Variants in CLVS1 observed in about 807,000 individuals in gnomAD.
The protein encoded by CLVS1 is clavesin 1.
A neutral mutation model predicts 33.1 loss-of-function variants in CLVS1; 10 were observed. The observed-to-expected ratio is 0.30, with a 90% CI of 0.19 to 0.51. The LOEUF (loss-of-function observed/expected upper bound fraction) is 0.51. Among genes scored for constraint, CLVS1 ranks in the 20% least tolerant of loss-of-function variants. CLVS1 has a pLI of 0.97. For synonymous variants in CLVS1, 163 were observed against 166.1 expected (o/e 0.98, Z 0.14); for missense variants, 343 against 433.4 (o/e 0.79, Z 1.85).
chr8:61,050,325 G>C, the CLVS1 span, among the ~76,000 whole-genome samples: 1 of 152,218 alleles, frequency 6.6e-6, no homozygotes, highest in Non-Finnish European at 1.5e-5. Context: ...GTCTGGGGGA[G>C]ATGCACCCTT....
intron 2 of CLVS1, among the ~76,000 whole-genome samples, chr8:61,151,387 G>A (rs1020531532): frequency 6.6e-6 from 1 of 152,192 alleles, no homozygotes; most frequent in African/African-American, 2.4e-5. Flanking sequence ...ACCCTATGAA[G>A]TATATATTCT....
chr8:61,272,729 T>C (rs1809472799), intron 2 of CLVS1, among the ~76,000 whole-genome samples: 1 of 152,202 alleles, frequency 6.6e-6, no homozygotes, highest in Non-Finnish European at 1.5e-5. Flanking sequence ...CCCTTCTCAC[T>C]TCATTTCATT....
chr8:61,263,100 T>C (rs1290468748), intron 2 of CLVS1, among the ~76,000 whole-genome samples: 2 of 152,152 alleles, frequency 1.3e-5, no homozygotes, highest in African/African-American at 4.8e-5. Flanking sequence ...ACTTGATAGA[T>C]GAAAAATGAC....
intron 2 of CLVS1, among the ~76,000 whole-genome samples, chr8:61,277,101 G>A (rs1346543251): frequency 2.0e-5 from 3 of 152,166 alleles, no homozygotes; most frequent in Non-Finnish European, 4.4e-5. Flanking sequence ...TGACTCCAGA[G>A]CCACATTCTC....
chr8:61,374,950 C>CTTTAT (rs1036652118), intron 2 of CLVS1, among the ~76,000 whole-genome samples: 1 of 152,078 alleles, frequency 6.6e-6, no homozygotes, highest in African/African-American at 2.4e-5. Context: ...GGGCTAATAT[C>CTTTAT]TTTATTTTTT....
At chr8:61,296,484 C>G (rs61592776) in intron 1 of CLVS1, among the ~76,000 whole-genome samples, 36,123 of 152,088 alleles carry the variant, frequency 0.24, 7,014 homozygotes, top group East Asian at 0.84. Context: ...ATAAGTCATG[C>G]CTGTGCCTTG....
At chr8:61,308,413 C>A (rs1810708253) in intron 2 of CLVS1, among the ~76,000 whole-genome samples, 2 of 152,176 alleles carry the variant, frequency 1.3e-5, no homozygotes, top group South Asian at 4.2e-4. Context: ...CATGGAGCTT[C>A]TGAAAGACTG....
chr8:61,002,020 C>A, the CLVS1 span, among the ~76,000 whole-genome samples: 1 of 152,208 alleles, frequency 6.6e-6, no homozygotes, highest in South Asian at 2.1e-4. Flanking sequence ...GCTCTGTTGC[C>A]CAGGCTGGAG....
At chr8:61,031,258 C>T in the CLVS1 span, among the ~76,000 whole-genome samples, 1 of 152,210 alleles carries the variant, frequency 6.6e-6, no homozygotes, top group Non-Finnish European at 1.5e-5. Flanking sequence ...AGAGGACACA[C>T]ACCTGCTCTG....
intron 2 of CLVS1, among the ~76,000 whole-genome samples, chr8:61,256,048 C>T (rs182768750): frequency 6.6e-6 from 1 of 152,256 alleles, no homozygotes; most frequent in African/African-American, 2.4e-5. Flanking sequence ...ACAATCATCA[C>T]TACCATCTGT....
chr8:61,410,225 T>C (rs13274169), intron 3 of CLVS1, among the ~76,000 whole-genome samples: 1 of 152,286 alleles, frequency 6.6e-6, no homozygotes, highest in South Asian at 2.1e-4. Flanking sequence ...TACTGTACAG[T>C]GTGAGATGTT....
At chr8:61,142,995 C>T (rs1186582659) in intron 2 of CLVS1, among the ~76,000 whole-genome samples, 1 of 152,152 alleles carries the variant, frequency 6.6e-6, no homozygotes, top group Non-Finnish European at 1.5e-5. Context: ...GTTTGAATTA[C>T]CTGAACTAGA....
At chr8:61,217,169 A>G (rs570978876) in intron 2 of CLVS1, among the ~76,000 whole-genome samples, 1 of 152,272 alleles carries the variant, frequency 6.6e-6, no homozygotes, top group Non-Finnish European at 1.5e-5. Context: ...AGCATCTCAT[A>G]ACTATAGGTG....
At chr8:61,399,849 G>A (rs1326079609) in intron 3 of CLVS1, among the ~76,000 whole-genome samples, 1 of 152,108 alleles carries the variant, frequency 6.6e-6, no homozygotes, top group Admixed American at 6.5e-5. Flanking sequence ...GGTTGTAGGT[G>A]TGCAGTCATA....
At chr8:61,386,982 T>C (rs76835386) in intron 3 of CLVS1, among the ~76,000 whole-genome samples, 2,107 of 152,306 alleles carry the variant, frequency 0.014, 97 homozygotes, top group East Asian at 0.1. Flanking sequence ...TGAGGCCAAC[T>C]AAAGACCTTG....
chr8:61,192,710 G>A (rs1807518211), intron 2 of CLVS1, among the ~76,000 whole-genome samples: 1 of 152,014 alleles, frequency 6.6e-6, no homozygotes, highest in Admixed American at 6.6e-5. Context: ...GTGGGCAAAG[G>A]ATATGAACAG....
chr8:61,407,775 A>T (rs989198418), intron 3 of CLVS1, among the ~76,000 whole-genome samples: 6 of 152,220 alleles, frequency 3.9e-5, no homozygotes, highest in African/African-American at 1.4e-4. Flanking sequence ...TCTGAATTTC[A>T]GGGATCTCAA....
At chr8:61,285,751 G>A (rs997277265), upstream of CLVS1, among the ~76,000 whole-genome samples, 3 of 152,172 alleles carry the variant, frequency 2.0e-5, no homozygotes, top group Admixed American at 6.5e-5. Context: ...CTGAAGTTGA[G>A]AGTCCAGGAA....
intron 1 of CLVS1, among the ~76,000 whole-genome samples, chr8:61,100,250 A>C (rs1376905452): frequency 6.6e-6 from 1 of 152,220 alleles, no homozygotes. Context: ...TGATCATGAC[A>C]TTCAATGCAT....
Sources: allele counts gnomAD v4.1 joint callset (sites outside exome capture counted in the v4.1 genomes callset), GRCh38; gene constraint gnomAD v4.1.1; transcripts MANE v1.5; gene names NCBI Gene and HGNC (gene_info 2026-07-23, HGNC 2026-07-21).